The following RBPMS variants were observed in gnomAD, a reference collection of about 807,000 sequenced individuals.
RBPMS encodes the protein RNA binding protein, mRNA processing factor, also known as RNA-binding protein with multiple splicing.
RBPMS carries 7 observed loss-of-function variants against 26.8 expected under a neutral mutation model. The observed-to-expected ratio is 0.26, with a 90% confidence interval of 0.15 to 0.49. The LOEUF (loss-of-function observed/expected upper bound fraction) is 0.49, where lower values mean the gene tolerates loss of function less well. Ranked by LOEUF, RBPMS falls within the 20% of genes least tolerant of loss-of-function variation. The pLI is 0.98. For synonymous variants in RBPMS, 96 were observed against 93.3 expected (o/e 1.03, Z -0.17); for missense variants, 186 against 250.0 (o/e 0.74, Z 1.73).
At position 30,385,040 on chromosome 8, in the gene RBPMS, CGCCCAGCCCCGCG is replaced by C. The variant is rs1312756013; in HGVS notation, c.-52_-40del. 9.5e-4 allele frequency: 1,348 copies of C among 1,419,168 alleles called. 2 individuals are homozygous for C. Among genetic ancestry groups the C allele is most frequent in the Non-Finnish European group, 1.1e-3 (1,123 of 1,065,064 alleles). The allele number at this position is 1,419,168 out of a possible 1,614,324, so 87.9% of individuals were successfully genotyped here. The stretch of plus-strand genomic sequence containing the variant: ...AGGCTCCAGTGGGCTAGCGCGCCCT[CGCCCAGCCCCGCG>C]CCCCAGCCCTGCCCGGCCCGGCGAG... On this transcript the variant is annotated 5_prime_UTR_variant, in exon 1 of 9. Coordinates refer to ENST00000397323, the MANE Select transcript of RBPMS (RefSeq NM_001008710.3).
At chr8:30,483,443 T>C (rs1428950411) in intron 4 of RBPMS, among the ~76,000 whole-genome samples, 1 of 152,148 alleles carries the variant, frequency 6.6e-6, no homozygotes, top group African/African-American at 2.4e-5. Context: ...TCTCAAACTA[T>C]ACTCATTAAT....
chr8:30,484,328 GTT>G (rs1458080697), intron 4 of RBPMS, among the ~76,000 whole-genome samples: 4 of 152,138 alleles, frequency 2.6e-5, no homozygotes, highest in Non-Finnish European at 5.9e-5. Flanking sequence ...GACTTAAAAT[GTT>G]TCTTTTAGCA....
At chr8:30,514,679 G>GTTTTTTTTT (rs773827768) in intron 5 of RBPMS, among the ~76,000 whole-genome samples, 3 of 13,556 alleles carry the variant, frequency 2.2e-4, no homozygotes, top group Non-Finnish European at 6.2e-4. Context: ...ACCATGCCGG[G>GTTTTTTTTT]CTTTTTTTTT....
intron 1 of RBPMS, among the ~76,000 whole-genome samples, chr8:30,424,311 T>TA (rs1213388384): frequency 6.6e-6 from 1 of 152,192 alleles, no homozygotes; most frequent in African/African-American, 2.4e-5. Flanking sequence ...ATCCACAACA[T>TA]AGAGTTGCAT....
chr8:30,486,451 G>A (rs112252864), intron 4 of RBPMS, among the ~76,000 whole-genome samples: 2,408 of 149,268 alleles, frequency 0.016, 65 homozygotes, highest in South Asian at 0.07. Flanking sequence ...GTGAAACCCC[G>A]TCTCTACTAA....
chr8:30,515,916 T>C (rs1056337134), intron 5 of RBPMS, among the ~76,000 whole-genome samples: 2 of 152,214 alleles, frequency 1.3e-5, no homozygotes, highest in African/African-American at 2.4e-5. Flanking sequence ...CCCAAAGTAT[T>C]GCCATTATAG....
At chr8:30,504,138 A>C (rs1820849079) in intron 4 of RBPMS, 148 bp from the exon 5 acceptor site, 1 of 737,936 alleles carries the variant, frequency 1.4e-6, no homozygotes, top group African/African-American at 1.7e-5. Context: ...GTCATTTTTC[A>C]TGTAACCTGT....
chr8:30,434,116 C>CG (rs1812203797), intron 1 of RBPMS, among the ~76,000 whole-genome samples: 1 of 149,994 alleles, frequency 6.7e-6, no homozygotes, highest in Non-Finnish European at 1.5e-5. Flanking sequence ...GACTCTGTCT[C>CG]AAAAAAAATA....
chr8:30,502,044 T>C (rs558671764), intron 4 of RBPMS, among the ~76,000 whole-genome samples: 1 of 152,312 alleles, frequency 6.6e-6, no homozygotes, highest in Non-Finnish European at 1.5e-5. Context: ...AAATATGGTA[T>C]TGCTGCTAAA....
intron 6 of RBPMS, chr8:30,555,807 C>T: frequency 1.1e-6 from 1 of 891,230 alleles, no homozygotes; most frequent in Non-Finnish European, 1.3e-6. Flanking sequence ...CAGGAGTGAC[C>T]TGGGGCCAAA....
intron 1 of RBPMS, among the ~76,000 whole-genome samples, chr8:30,413,617 A>C (rs967890409): frequency 6.6e-5 from 10 of 151,658 alleles, no homozygotes; most frequent in Non-Finnish European, 8.8e-5. Context: ...TTAGAACATT[A>C]TTTCTTTTTT....
At chr8:30,562,032 A>G (rs957352976) in intron 7 of RBPMS, 5 of 985,244 alleles carry the variant, frequency 5.1e-6, no homozygotes, top group Non-Finnish European at 6.0e-6. Flanking sequence ...ATAAGATCCG[A>G]ATAAGAATAT....
At chr8:30,511,500 T>A (rs1467434431) in intron 5 of RBPMS, among the ~76,000 whole-genome samples, 245 of 1,374 alleles carry the variant, frequency 0.18, 10 homozygotes, top group Non-Finnish European at 0.29. Context: ...TATATATATA[T>A]ATATATATAT....
At chr8:30,538,694 G>A (rs1307587346) in intron 5 of RBPMS, among the ~76,000 whole-genome samples, 1 of 152,174 alleles carries the variant, frequency 6.6e-6, no homozygotes, top group African/African-American at 2.4e-5. Context: ...GAAACTGAGT[G>A]GCTTCAATGG....
In RBPMS at chr8:30,535,303, C is replaced by T. The variant is rs147035346; in HGVS notation, c.398-9191C>T. Among the ~76,000 whole-genome samples, 3 of 152,158 alleles carry T rather than the reference C, an allele frequency of 2.0e-5. No homozygotes were observed. In the East Asian group the frequency reaches 5.8e-4, roughly 29 times the overall value. On this transcript the variant is annotated intron_variant, in intron 5 of 8. Transcript: ENST00000397323. ...CTTTTCTTGAATATGTTCTGTGTGC[C>T]AGACATATGTGCTAAGGATAGGAGA...
intron 1 of RBPMS, among the ~76,000 whole-genome samples, chr8:30,437,788 C>G (rs1172603842): frequency 1.2e-5 from 1 of 80,702 alleles, no homozygotes; most frequent in Admixed American, 1.6e-4. Flanking sequence ...GAGACTCCAT[C>G]TCAAAAAAAA....
intron 5 of RBPMS, among the ~76,000 whole-genome samples, chr8:30,523,172 T>TG: frequency 6.6e-6 from 1 of 151,666 alleles, no homozygotes. Context: ...AGGTCAGGAG[T>TG]TTGAGACCAG....
At chr8:30,555,121 G>A (rs1321983185) in intron 6 of RBPMS, among the ~76,000 whole-genome samples, 2 of 152,140 alleles carry the variant, frequency 1.3e-5, no homozygotes, top group Non-Finnish European at 2.9e-5. Context: ...GGTGGGTACC[G>A]CTTTCTCTAG....
intron 1 of RBPMS, among the ~76,000 whole-genome samples, chr8:30,430,912 T>G (rs561772993): frequency 6.6e-6 from 1 of 152,334 alleles, no homozygotes; most frequent in Non-Finnish European, 1.5e-5. Flanking sequence ...TAAAGACGAA[T>G]AAAACAAGGC....
Sources: allele counts gnomAD v4.1 joint callset (sites outside exome capture counted in the v4.1 genomes callset), GRCh38; gene constraint gnomAD v4.1.1; transcripts MANE v1.5; gene names NCBI Gene and HGNC (gene_info 2026-07-23, HGNC 2026-07-21).